SPIDR: variants seen among roughly 807,000 people sequenced by gnomAD.
The protein encoded by SPIDR is scaffold protein involved in DNA repair, also known as DNA repair-scaffolding protein.
SPIDR carries 93 observed loss-of-function variants against 104.6 expected under a neutral mutation model. The observed-to-expected ratio is 0.89, with a 90% CI of 0.75 to 1.06. The LOEUF (loss-of-function observed/expected upper bound fraction) is 1.06, where lower values mean the gene tolerates loss of function less well. Ranked by LOEUF, SPIDR falls within the 50% of genes least tolerant of loss-of-function variation. The probability of loss-of-function intolerance (pLI) is 0.00; values close to 1 mark genes in which losing one functional copy is unlikely to be tolerated. For synonymous variants in SPIDR, 431 were observed against 416.9 expected (o/e 1.03, Z -0.41); for missense variants, 1,154 against 1,111.2 (o/e 1.04, Z -0.55).
At chr8:47,322,862 C>T (rs1251935590) in intron 5 of SPIDR, among the ~76,000 whole-genome samples, 1 of 152,024 alleles carries the variant, frequency 6.6e-6, no homozygotes, top group East Asian at 1.9e-4. Context: ...AGCGCATGTT[C>T]TCACTCATAG....
intron 8 of SPIDR, among the ~76,000 whole-genome samples, chr8:47,580,981 G>A (rs2059642489): frequency 6.6e-6 from 1 of 152,262 alleles, no homozygotes; most frequent in South Asian, 2.1e-4. Context: ...AGAGAAAAGA[G>A]CAACTTTTCC....
At chr8:47,733,733 A>G (rs1310875564) in intron 19 of SPIDR, among the ~76,000 whole-genome samples, 4 of 152,022 alleles carry the variant, frequency 2.6e-5, no homozygotes, top group Non-Finnish European at 5.9e-5. Flanking sequence ...TGGGATCATA[A>G]TAAACCCCAT....
At position 47,511,644 on chromosome 8, in the gene SPIDR, A is replaced by T. The variant is rs142903901; in HGVS notation, c.1097+71102A>T. On this transcript the variant is annotated intron_variant, in intron 8 of 19. Coordinates refer to ENST00000297423, the MANE Select transcript of SPIDR (RefSeq NM_001080394.4). ...AATGATGTCTCTTTTCTCCTGCCAC[A>T]TAAGCAGACTCTTCCTCTGGTGCTG... 8 of 801,900 alleles carry T rather than the reference A, an allele frequency of 1.0e-5. No individual in the cohort carries two copies. In the East Asian group the frequency reaches 1.9e-4, roughly 19 times the overall value. 49.7% of individuals were successfully genotyped at this position (801,900 alleles called of 1,614,324 possible). A position where few individuals can be genotyped will look rare whatever the true frequency, so the allele number is the denominator to read the frequency against.
chr8:47,378,851 A>G (rs1358963892), intron 5 of SPIDR, among the ~76,000 whole-genome samples: 1 of 152,222 alleles, frequency 6.6e-6, no homozygotes, highest in Admixed American at 6.5e-5. Flanking sequence ...CTCTGAAATA[A>G]TTGCTAGTAG....
chr8:47,698,784 C>G (rs1172573864), intron 11 of SPIDR, among the ~76,000 whole-genome samples: 1 of 152,142 alleles, frequency 6.6e-6, no homozygotes, highest in Non-Finnish European at 1.5e-5. Flanking sequence ...TAAAATAAAA[C>G]AATATGTCAC....
At chr8:47,671,537 A>T (rs958590086) in intron 10 of SPIDR, among the ~76,000 whole-genome samples, 4 of 151,820 alleles carry the variant, frequency 2.6e-5, no homozygotes, top group Non-Finnish European at 4.4e-5. Context: ...GTGAGCTGAG[A>T]TTGCTCCACT....
At chr8:47,353,024 A>T (rs1382863433) in intron 5 of SPIDR, among the ~76,000 whole-genome samples, 1 of 143,498 alleles carries the variant, frequency 7.0e-6, no homozygotes, top group African/African-American at 2.6e-5. Flanking sequence ...ACTGCACTCC[A>T]GCCAGGCGAC....
intron 11 of SPIDR, among the ~76,000 whole-genome samples, chr8:47,678,128 C>T (rs997916336): frequency 5.3e-5 from 8 of 152,074 alleles, no homozygotes; most frequent in Non-Finnish European, 1.2e-4. Flanking sequence ...AGCTAGTTGC[C>T]ATGGCATTGA....
intron 8 of SPIDR, among the ~76,000 whole-genome samples, chr8:47,508,724 G>T (rs2081869868): frequency 6.6e-6 from 1 of 151,790 alleles, no homozygotes; most frequent in Non-Finnish European, 1.5e-5. Context: ...GTTCTGGCAG[G>T]TAATAATACC....
At chr8:47,530,100 T>G (rs1284781176) in intron 8 of SPIDR, among the ~76,000 whole-genome samples, 1 of 152,238 alleles carries the variant, frequency 6.6e-6, no homozygotes, top group Non-Finnish European at 1.5e-5. Flanking sequence ...CTACTGCTCC[T>G]AGGCTACACA....
intron 8 of SPIDR, among the ~76,000 whole-genome samples, chr8:47,477,662 G>T (rs2076435439): frequency 6.6e-6 from 1 of 152,182 alleles, no homozygotes; most frequent in African/African-American, 2.4e-5. Flanking sequence ...ATGGCTTCTT[G>T]CAGATTGTCC....
intron 11 of SPIDR, among the ~76,000 whole-genome samples, chr8:47,685,516 TA>T (rs200960194): frequency 0.016 from 2,344 of 144,266 alleles, 113 homozygotes; most frequent in Non-Finnish European, 0.028. Flanking sequence ...TTTATTTATT[TA>T]TTTTTTTGAG....
chr8:47,271,705 C>A (rs962491539), intron 1 of SPIDR, among the ~76,000 whole-genome samples: 4 of 152,036 alleles, frequency 2.6e-5, no homozygotes, highest in Admixed American at 2.0e-4. Flanking sequence ...TCTAGTGAGT[C>A]CAACTTCTGG....
intron 5 of SPIDR, among the ~76,000 whole-genome samples, chr8:47,317,110 A>G (rs1274399287): frequency 1.3e-5 from 2 of 152,106 alleles, no homozygotes; most frequent in African/African-American, 4.8e-5. Context: ...TTGGTGCAGG[A>G]CAGTGGGTAC....
chr8:47,657,402 T>G (rs1222256072), intron 10 of SPIDR, among the ~76,000 whole-genome samples: 3 of 152,146 alleles, frequency 2.0e-5, no homozygotes, highest in African/African-American at 4.8e-5. Context: ...ATGTTAGTCA[T>G]GAGGGTTGGG....
chr8:47,470,691 T>C (rs1303850203), intron 8 of SPIDR, among the ~76,000 whole-genome samples: 2 of 152,132 alleles, frequency 1.3e-5, no homozygotes, highest in African/African-American at 4.8e-5. Flanking sequence ...TGAGCCCTTG[T>C]TTTACACCAT....
At chr8:47,571,605 G>A (rs2058535099) in intron 8 of SPIDR, among the ~76,000 whole-genome samples, 1 of 152,058 alleles carries the variant, frequency 6.6e-6, no homozygotes, top group Non-Finnish European at 1.5e-5. Context: ...ATAGCAATAA[G>A]CATAATTGCC....
chr8:47,397,554 G>A lies in SPIDR; in HGVS notation c.776+928G>A, dbSNP rs2061379852. ...ACCTGTAGGAAGCATTGCCACAAAAGCAAAAGTAATAGAGCATTTCAAAGC... is the reference window on the plus strand; with the variant it reads ...ACCTGTAGGAAGCATTGCCACAAAAACAAAAGTAATAGAGCATTTCAAAGC... On this transcript the variant is annotated intron_variant, in intron 6 of 19. Transcript: ENST00000297423. Among the ~76,000 whole-genome samples the A allele has an allele frequency of 2.0e-5, 3 of 152,222 alleles. No homozygotes were observed. In the South Asian group the frequency reaches 6.2e-4, roughly 32 times the overall value.
chr8:47,485,027 C>T (rs958316756), intron 8 of SPIDR, among the ~76,000 whole-genome samples: 5 of 152,328 alleles, frequency 3.3e-5, no homozygotes, highest in South Asian at 4.1e-4. Context: ...GCCCACCAAG[C>T]GTGAGCTGAA....
Sources: gnomAD v4.1 joint callset for allele counts (sites outside exome capture counted in the v4.1 genomes callset) on GRCh38, gnomAD v4.1.1 for gene constraint, MANE v1.5 for transcripts, NCBI Gene and HGNC (gene_info 2026-07-23, HGNC 2026-07-21) for gene names.